Variants in CYP26C1 observed in about 807,000 individuals in gnomAD.
CYP26C1 encodes the protein cytochrome P450 family 26 subfamily C member 1.
Under a neutral mutation model 39.1 loss-of-function variants are expected in CYP26C1, and 41 were observed. That is an observed-to-expected ratio of 1.05 (90% CI 0.82 to 1.36). The LOEUF is 1.36. Among genes scored for constraint, CYP26C1 ranks in the 40% most tolerant of loss-of-function variants. The pLI, the probability that CYP26C1 is intolerant of heterozygous loss-of-function variation, is 0.00. For missense variants in CYP26C1, 833 were observed against 752.0 expected (o/e 1.11, Z -1.26); for synonymous variants, 362 against 350.8 (o/e 1.03, Z -0.36).
In CYP26C1 at chr10:93,062,738, A is replaced by G; in HGVS notation, c.448A>G (p.Ser150Gly). 1 of 1,436,538 alleles carries G rather than the reference A, an allele frequency of 7.0e-7. No homozygotes were observed. The highest frequency in any genetic ancestry group is 9.0e-7 in the Non-Finnish European group (1 of 1,105,972). 89.0% of individuals were successfully genotyped at this position (1,436,538 alleles called of 1,614,324 possible). A position where few individuals can be genotyped will look rare whatever the true frequency, so the allele number is the denominator to read the frequency against. The stretch of plus-strand genomic sequence containing the variant: ...CCCACAGGTCCTGGCGCGCGTGTTC[A>G]GCCGCGCCGCGCTGGAGCGCTACGT... ...RRRKVLARVF[S>G]RAALERYVPR... Residue 150 changes from serine (S) to glycine (G), a missense_variant, in exon 3 of 6, where the codon AGC becomes GGC. Physicochemically the swap from Ser to Gly is moderately conservative, Grantham distance 56. Transcript: ENST00000651965.
At position 93,062,962 on chromosome 10, in the gene CYP26C1, G is replaced by A. The variant is rs1182360567; in HGVS notation, c.672G>A (p.Leu224=). 5 of 1,598,204 alleles carry A rather than the reference G, an allele frequency of 3.1e-6. No individual in the cohort carries two copies. Among genetic ancestry groups the A allele is most frequent in the Admixed American group, 1.7e-5 (1 of 59,466 alleles). ...FEQLVENLFS[L]PLDVPFSGLR... ...AGCTCGTGGAGAACCTCTTCTCACTGCCTCTGGACGTTCCCTTCAGTGGCC... is the reference window on the plus strand; with the variant it reads ...AGCTCGTGGAGAACCTCTTCTCACTACCTCTGGACGTTCCCTTCAGTGGCC... Residue 224 remains leucine, a synonymous_variant, in exon 3 of 6, where the codon CTG becomes CTA. Coordinates refer to ENST00000651965, the MANE Select transcript of CYP26C1 (RefSeq NM_183374.3).
At chr10:93,066,352 GCCTGCC>G (rs1846828956) in intron 5 of CYP26C1, 67 bp downstream of exon 5, 9 of 1,234,968 alleles carry the variant, frequency 7.3e-6, no homozygotes, top group African/African-American at 1.6e-5. Flanking sequence ...GCCGCCTGCC[GCCTGCC>G]GCGGCGGCGC....
intron 4 of CYP26C1, among the ~76,000 whole-genome samples, chr10:93,065,307 C>A (rs1057186169): frequency 1.3e-5 from 2 of 152,248 alleles, no homozygotes; most frequent in Non-Finnish European, 2.9e-5. Context: ...GAGATTGGAA[C>A]TAATAAGAGC....
chr10:93,063,982 G>C, intron 3 of CYP26C1: 4 of 1,008,870 alleles, frequency 4.0e-6, no homozygotes, highest in Non-Finnish European at 4.7e-6. Context: ...TTTGCTGGGT[G>C]CATCAAGGTA....
Position 93,066,235 on chromosome 10 carries a change from C to T in CYP26C1, c.1141C>T (p.Pro381Ser). Reference protein sequence around the residue: ...CVVKEVLRLLPPVSGGYRTAL... With the variant: ...CVVKEVLRLLSPVSGGYRTAL... ...GGTCAAGGAGGTGCTGCGCCTCCTGCCGCCAGTGTCCGGGGGCTACCGCAC... is the reference window on the plus strand; with the variant it reads ...GGTCAAGGAGGTGCTGCGCCTCCTGTCGCCAGTGTCCGGGGGCTACCGCAC... Residue 381 changes from proline to serine, a missense_variant, in exon 5 of 6, where the codon CCG becomes TCG. Transcript: ENST00000651965. 6.8e-7 allele frequency: 1 copy of T among 1,471,858 alleles called. No homozygotes were observed. The highest frequency in any genetic ancestry group is 9.0e-7 in the Non-Finnish European group (1 of 1,114,332). The allele number at this position is 1,471,858 out of a possible 1,614,324, so 91.2% of individuals were successfully genotyped here. A position where few individuals can be genotyped will look rare whatever the true frequency, so the allele number is the denominator to read the frequency against.
chr10:93,063,076 G>C, intron 3 of CYP26C1, 81 bp downstream of exon 3: 1 of 1,479,794 alleles, frequency 6.8e-7, no homozygotes, highest in Non-Finnish European at 8.9e-7. Context: ...GGACGCCCTC[G>C]GCGCACCCCG....
intron 1 of CYP26C1, among the ~76,000 whole-genome samples, 159 bp downstream of exon 1, chr10:93,061,626 CT>C (rs879431727): frequency 0.87 from 131,794 of 151,992 alleles, 57,319 homozygotes; most frequent in East Asian, 0.99. Flanking sequence ...TACCTAGATA[CT>C]CCGTTCCCTC....
chr10:93,063,131 G>A, intron 3 of CYP26C1, 136 bp downstream of exon 3: 1 of 1,417,450 alleles, frequency 7.1e-7, no homozygotes, highest in Non-Finnish European at 9.2e-7. Context: ...GCCCGGGGGT[G>A]GGAGGCGTTG....
Position 93,061,354 on chromosome 10 carries a change from C to T in CYP26C1, c.91C>T (p.His31Tyr), listed in dbSNP as rs1411358615. 1.9e-6 allele frequency: 3 copies of T among 1,583,548 alleles called. No homozygotes were observed. In the South Asian group the frequency reaches 3.5e-5, roughly 18 times the overall value. Residue 31 changes from histidine (H) to tyrosine (Y), a missense_variant, in exon 1 of 6, where the codon CAC (histidine) becomes TAC (tyrosine). Physicochemically the swap from His to Tyr is moderately conservative, Grantham distance 83 (BLOSUM62 2). Coordinates refer to ENST00000651965, the MANE Select transcript of CYP26C1 (RefSeq NM_183374.3). Reference sequence around the variant, plus strand: ...GGGCCTGCTGCTCAGCCTGGCCCAGCACCTCTGGACCCTCCGCTGGATGCT... The same window carrying T: ...GGGCCTGCTGCTCAGCCTGGCCCAGTACCTCTGGACCCTCCGCTGGATGCT... The part of the protein sequence containing the change: ...CAGLLLSLAQ[H>Y]LWTLRWMLSR...
chr10:93,062,988 T>C lies in CYP26C1; in HGVS notation c.698T>C (p.Leu233Pro). ...SLPLDVPFSGLRKGIRARDQL... is the reference protein window; with the variant it reads ...SLPLDVPFSGPRKGIRARDQL... Reference sequence around the variant, plus strand: ...CCTCTGGACGTTCCCTTCAGTGGCCTACGCAAGGTACGGCCGCCCCGGCTC... The same window carrying C: ...CCTCTGGACGTTCCCTTCAGTGGCCCACGCAAGGTACGGCCGCCCCGGCTC... Residue 233 changes from leucine to proline, a missense_variant, in exon 3 of 6, where the codon CTA (leucine) becomes CCA (proline). Coordinates refer to ENST00000651965, the MANE Select transcript of CYP26C1 (RefSeq NM_183374.3). 2 of 1,566,266 alleles carry C rather than the reference T, an allele frequency of 1.3e-6. No individual in the cohort carries two copies. The highest frequency in any genetic ancestry group is 8.6e-7 in the Non-Finnish European group (1 of 1,157,898).
At position 93,062,091 on chromosome 10, in the gene CYP26C1, G is replaced by A. The variant is rs1227653894; in HGVS notation, c.286G>A (p.Val96Met). 2.5e-6 allele frequency: 4 copies of A among 1,574,404 alleles called. No homozygotes were observed. Among genetic ancestry groups the A allele is most frequent in the African/African-American group, 2.7e-5 (2 of 74,372 alleles). Residue 96 changes from valine (V) to methionine (M), a missense_variant, in exon 2 of 6, where the codon GTG becomes ATG. Transcript: ENST00000651965. ...THLLGRPVIRVSGAENVRTIL... is the reference protein window; with the variant it reads ...THLLGRPVIRMSGAENVRTIL... Reference sequence around the variant, plus strand: ...CCTGCTGGGCAGGCCAGTGATCCGCGTGAGCGGCGCGGAGAACGTGCGCAC... The same window carrying A: ...CCTGCTGGGCAGGCCAGTGATCCGCATGAGCGGCGCGGAGAACGTGCGCAC...
At position 93,062,922 on chromosome 10, in the gene CYP26C1, C is replaced by T; in HGVS notation, c.632C>T (p.Ala211Val). ...GACGAGGCGCAGTGCGCCACGCTGG[C>T]CCGGACCTTCGAGCAGCTCGTGGAG... Reference protein sequence around the residue: ...RLDEAQCATLARTFEQLVENL... With the variant: ...RLDEAQCATLVRTFEQLVENL... Residue 211 changes from alanine (A) to valine (V), a missense_variant, in exon 3 of 6, where the codon GCC (alanine) becomes GTC (valine). Physicochemically the swap from Ala to Val is moderately conservative, Grantham distance 64 (BLOSUM62 0). Coordinates refer to ENST00000651965, the MANE Select transcript of CYP26C1 (RefSeq NM_183374.3). 2 of 1,605,846 alleles carry T rather than the reference C, an allele frequency of 1.2e-6. No individual in the cohort carries two copies. Among genetic ancestry groups the T allele is most frequent in the Non-Finnish European group, 1.7e-6 (2 of 1,178,788 alleles).
intron 5 of CYP26C1, among the ~76,000 whole-genome samples, chr10:93,067,407 G>A (rs1286980805): frequency 2.0e-5 from 3 of 152,320 alleles, no homozygotes; most frequent in East Asian, 1.9e-4. Context: ...TCTTGAATGC[G>A]GAATCAGTCT....
chr10:93,068,831 C>T lies in CYP26C1; in HGVS notation c.*134C>T, dbSNP rs1846862545. The T allele has an allele frequency of 7.3e-7, 1 of 1,362,186 alleles. No individual in the cohort carries two copies. Among genetic ancestry groups the T allele is most frequent in the Non-Finnish European group, 9.5e-7 (1 of 1,047,120 alleles). 84.4% of individuals were successfully genotyped at this position (1,362,186 alleles called of 1,614,324 possible). A position where few individuals can be genotyped will look rare whatever the true frequency, so the allele number is the denominator to read the frequency against. On this transcript the variant is annotated 3_prime_UTR_variant, in exon 6 of 6. Coordinates refer to ENST00000651965, the MANE Select transcript of CYP26C1 (RefSeq NM_183374.3). ...CAACAATCTTTCAACAAATGTTCGC[C>T]AAACGCGGATGTGTGCCGGACTCGA... is the stretch of plus-strand genomic sequence containing the variant.
In CYP26C1 at chr10:93,067,243, C is replaced by T. The variant is rs551661549; in HGVS notation, c.1191+958C>T. On this transcript the variant is annotated intron_variant, in intron 5 of 5. Coordinates refer to ENST00000651965, the MANE Select transcript of CYP26C1 (RefSeq NM_183374.3). ...CATCCCACTTGTAGTGTGACAGCCT[C>T]ATCCCACTTGTAGTGTGAAGAGAGT... Among the ~76,000 whole-genome samples, 214 of 152,362 alleles carry T rather than the reference C, an allele frequency of 1.4e-3. 1 individual carries two copies. Among genetic ancestry groups the T allele is most frequent in the Non-Finnish European group, 1.7e-3 (116 of 68,034 alleles).
At position 93,062,836 on chromosome 10, in the gene CYP26C1, C is replaced by A. The variant is rs1265555847; in HGVS notation, c.546C>A (p.Tyr182Ter). ...CGGCGGGCGGGCCGGTCTCAGTCTACGACGCCTCCAAAGCGCTCACCTTCC... is the reference window on the plus strand; with the variant it reads ...CGGCGGGCGGGCCGGTCTCAGTCTAAGACGCCTCCAAAGCGCTCACCTTCC... ...WCAAGGPVSV[Y>*]DASKALTFRM... is the part of the protein sequence containing the mutation. Residue 182 changes from tyrosine to a stop codon, truncating the protein, a stop_gained, in exon 3 of 6, where the codon TAC becomes TAA. Transcript: ENST00000651965. LOFTEE classifies it high-confidence loss of function. 5 of 1,586,562 alleles carry A rather than the reference C, an allele frequency of 3.2e-6. No homozygotes were observed. Among genetic ancestry groups the A allele is most frequent in the Admixed American group, 3.5e-5 (2 of 57,848 alleles).
intron 5 of CYP26C1, among the ~76,000 whole-genome samples, chr10:93,068,030 G>A (rs1325671637): frequency 6.6e-6 from 1 of 152,148 alleles, no homozygotes; most frequent in East Asian, 1.9e-4. Context: ...ACACTCATAT[G>A]TGCCAAGTCC....
Position 93,062,159 on chromosome 10 carries a change from G to C in CYP26C1, c.354G>C (p.Pro118=), listed in dbSNP as rs199615649. 6.0e-5 allele frequency: 93 copies of C among 1,540,532 alleles called. No individual in the cohort carries two copies. The African/African-American group carries it at 1.2e-3, about 19-fold the overall frequency. The part of the protein sequence containing the change: ...GEHRLVRSQW[P]QSAHILLGSH... The stretch of plus-strand genomic sequence containing the variant: ...ACCGCCTGGTGCGCAGCCAGTGGCC[G>C]CAGAGTGCGCACATCCTGCTGGGCT... The change falls in exon 2 of 6, where the codon CCG becomes CCC. Residue 118 remains proline (P), a synonymous_variant. Transcript: ENST00000651965.
At chr10:93,062,268 C>A in intron 2 of CYP26C1, 34 bp downstream of exon 2, 4 of 1,489,118 alleles carry the variant, frequency 2.7e-6, no homozygotes, top group South Asian at 2.6e-5. Flanking sequence ...GTAGATACGT[C>A]GGATCCGCGG....
Sources: gnomAD v4.1 joint callset for allele counts (sites outside exome capture counted in the v4.1 genomes callset) on GRCh38, gnomAD v4.1.1 for gene constraint, MANE v1.5 for transcripts, NCBI Gene and HGNC (gene_info 2026-07-23, HGNC 2026-07-21) for gene names.